Variants in SUPT3H observed in about 807,000 individuals in gnomAD.
SUPT3H encodes transcription initiation protein SPT3 homolog.
SUPT3H carries 44 observed loss-of-function variants against 44.3 expected under a neutral mutation model. The observed-to-expected ratio is 0.99, with a 90% CI of 0.78 to 1.28. The LOEUF is 1.28. SUPT3H is among the 50% of genes most tolerant of loss of function. SUPT3H has a pLI of 0.00. For missense variants in SUPT3H, 380 were observed against 387.1 expected, an observed-to-expected ratio of 0.98 and a Z score of 0.15; for synonymous variants, 124 against 125.6, an observed-to-expected ratio of 0.99 and a Z score of 0.09.
At chr6:44,887,238 G>A (rs1042260399) in intron 10 of SUPT3H, among the ~76,000 whole-genome samples, 2 of 152,082 alleles carry the variant, frequency 1.3e-5, no homozygotes, top group African/African-American at 2.4e-5. Flanking sequence ...GGATATCCAG[G>A]AATTGAACTC....
At chr6:44,893,133 T>C (rs186677563) in intron 10 of SUPT3H, among the ~76,000 whole-genome samples, 2 of 152,256 alleles carry the variant, frequency 1.3e-5, no homozygotes, top group Admixed American at 1.3e-4. Context: ...TGCCTAAAGG[T>C]TGCATATGTA....
chr6:44,869,436 A>G (rs796106369), intron 10 of SUPT3H, among the ~76,000 whole-genome samples: 1 of 152,272 alleles, frequency 6.6e-6, no homozygotes, highest in African/African-American at 2.4e-5. Flanking sequence ...TGAGATATAA[A>G]CCACTAAGAA....
At chr6:44,983,022 T>C (rs1222312842) in intron 6 of SUPT3H, among the ~76,000 whole-genome samples, 2 of 152,308 alleles carry the variant, frequency 1.3e-5, no homozygotes, top group South Asian at 2.1e-4. Context: ...AGATAAAATA[T>C]ATGTTGAAAG....
intron 2 of SUPT3H, among the ~76,000 whole-genome samples, chr6:45,132,988 CA>C (rs909427974): frequency 6.6e-6 from 1 of 152,138 alleles, no homozygotes; most frequent in African/African-American, 2.4e-5. Context: ...CTTACCAGTA[CA>C]AATATTGCCT....
At chr6:44,882,259 C>T (rs1778363264) in intron 10 of SUPT3H, among the ~76,000 whole-genome samples, 1 of 152,194 alleles carries the variant, frequency 6.6e-6, no homozygotes, top group Admixed American at 6.5e-5. Flanking sequence ...ATAAACACCT[C>T]TACGCAAATA....
chr6:45,120,424 A>AAAAAAAAAAAAAAAAAAAC (rs1801473971), intron 2 of SUPT3H, among the ~76,000 whole-genome samples: 1 of 146,396 alleles, frequency 6.8e-6, no homozygotes, highest in Non-Finnish European at 1.5e-5. Context: ...GTCTAAAAAA[A>AAAAAAAAAAAAAAAAAAAC]AAAAAAAAAA....
chr6:45,015,249 G>A (rs1479275080), intron 4 of SUPT3H, among the ~76,000 whole-genome samples: 2 of 152,056 alleles, frequency 1.3e-5, no homozygotes, highest in East Asian at 1.9e-4. Flanking sequence ...TGCACACCTA[G>A]GCTACATGGT....
chr6:45,367,318 A>T (rs1277063912), intron 1 of SUPT3H, among the ~76,000 whole-genome samples: 2 of 152,214 alleles, frequency 1.3e-5, no homozygotes, highest in African/African-American at 2.4e-5. Context: ...ATTCTAAAAC[A>T]TATGAAGAAC....
chr6:45,158,298 A>ATATATATATATATATATATT, intron 2 of SUPT3H, among the ~76,000 whole-genome samples: 2 of 99,694 alleles, frequency 2.0e-5, no homozygotes, highest in African/African-American at 1.0e-4. Flanking sequence ...ATATATATAT[A>ATATATATATATATATATATT]TTTTTTTTTT....
rs1811493132 is a variant in SUPT3H, at chr6:45,175,076, T to A, written c.102-69070A>T. On this transcript the variant is annotated intron_variant, in intron 2 of 10. Transcript: ENST00000371459. The stretch of plus-strand genomic sequence containing the variant: ...TAAATGTCACTTCCTTGTCCACATT[T>A]TTGCTGAATACTAGATTGTTATTTA... 2.6e-5 allele frequency among the ~76,000 whole-genome samples: 4 copies of A among 151,746 alleles called. No homozygotes were observed. In the South Asian group the frequency reaches 8.4e-4, roughly 32 times the overall value.
At chr6:45,220,858 C>A (rs372662879) in intron 2 of SUPT3H, among the ~76,000 whole-genome samples, 1 of 152,182 alleles carries the variant, frequency 6.6e-6, no homozygotes, top group Non-Finnish European at 1.5e-5. Flanking sequence ...TTTGACCCAG[C>A]AATCCCATTA....
chr6:44,913,952 T>C (rs1226964104), intron 10 of SUPT3H, among the ~76,000 whole-genome samples: 1 of 152,204 alleles, frequency 6.6e-6, no homozygotes, highest in Non-Finnish European at 1.5e-5. Flanking sequence ...CCTCATTAAA[T>C]ATTTTCCATT....
downstream of SUPT3H, among the ~76,000 whole-genome samples, chr6:44,826,047 C>CAAGT (rs1269046504): frequency 1.3e-5 from 2 of 152,172 alleles, no homozygotes; most frequent in African/African-American, 4.8e-5. Context: ...AAAACAAATG[C>CAAGT]AAGTCTCGTC....
At chr6:44,888,583 T>G (rs148629943) in intron 10 of SUPT3H, among the ~76,000 whole-genome samples, 9 of 152,088 alleles carry the variant, frequency 5.9e-5, no homozygotes, top group African/African-American at 9.7e-5. Flanking sequence ...TGCTAAAAAC[T>G]CTCAATAAAT....
intron 2 of SUPT3H, among the ~76,000 whole-genome samples, chr6:45,327,695 G>A (rs2150061878): frequency 6.6e-6 from 1 of 151,212 alleles, no homozygotes; most frequent in African/African-American, 2.4e-5. Context: ...TTATAGTCAA[G>A]CCTAGCAAGC....
chr6:45,210,747 T>G (rs1763955688), intron 2 of SUPT3H, among the ~76,000 whole-genome samples: 2 of 152,198 alleles, frequency 1.3e-5, no homozygotes, highest in African/African-American at 4.8e-5. Flanking sequence ...TCACAGACAC[T>G]TAATAAACTA....
chr6:45,326,420 A>G (rs1786350463), intron 2 of SUPT3H, among the ~76,000 whole-genome samples: 1 of 151,898 alleles, frequency 6.6e-6, no homozygotes, highest in Non-Finnish European at 1.5e-5. Flanking sequence ...TAATATGGAT[A>G]CGACTTATTT....
rs1328693256 is a variant in SUPT3H, at chr6:45,095,388, T to C, written c.186+10534A>G. ...ACTGGTGATGAGGACAGAACAGAGC[T>C]TTGCATGAACTGCTTCTACCAGGGA... On this transcript the variant is annotated intron_variant, in intron 3 of 10. Coordinates refer to ENST00000371459, the MANE Select transcript of SUPT3H (RefSeq NM_003599.4). The surrounding 1 kb of genome is among the most constrained non-coding windows in gnomAD (Gnocchi z 4.1). Among the ~76,000 whole-genome samples, 2 of 152,110 alleles carry C rather than the reference T, an allele frequency of 1.3e-5. No homozygotes were observed. The highest frequency in any genetic ancestry group is 2.4e-5 in the African/African-American group (1 of 41,434).
chr6:44,818,921 A>G (rs1373384415), intron 11 of SUPT3H, among the ~76,000 whole-genome samples: 2 of 152,228 alleles, frequency 1.3e-5, no homozygotes, highest in East Asian at 1.9e-4. Context: ...GTAGTTTTTT[A>G]TAAAAATAAA....
Sources: allele counts gnomAD v4.1 joint callset (sites outside exome capture counted in the v4.1 genomes callset), GRCh38; gene constraint gnomAD v4.1.1; non-coding constraint Gnocchi (gnomAD v3.1); transcripts MANE v1.5; gene names NCBI Gene and HGNC (gene_info 2026-07-23, HGNC 2026-07-21).